WWOX: variants seen among roughly 807,000 people sequenced by gnomAD.
The protein encoded by WWOX is WW domain containing oxidoreductase, also known as WW domain-containing oxidoreductase.
WWOX carries 69 observed loss-of-function variants against 46.2 expected under a neutral mutation model. That is an observed-to-expected ratio of 1.49 (90% confidence interval 1.23 to 1.82). WWOX has a LOEUF of 1.82. WWOX is among the 40% of genes most tolerant of loss of function. WWOX has a pLI of 0.00. For synonymous variants in WWOX, 359 were observed against 202.6 expected (o/e 1.77, Z -6.56); for missense variants, 919 against 542.6 (o/e 1.69, Z -6.89).
At chr16:78,314,624 A>C (rs1188459176) in intron 5 of WWOX, among the ~76,000 whole-genome samples, 4 of 146,754 alleles carry the variant, frequency 2.7e-5, no homozygotes, top group Non-Finnish European at 4.5e-5. Context: ...TCCTGGGTTC[A>C]AGCGATTCTT....
At chr16:78,171,939 A>G (rs2035175695) in intron 5 of WWOX, among the ~76,000 whole-genome samples, 1 of 152,184 alleles carries the variant, frequency 6.6e-6, no homozygotes, top group South Asian at 2.1e-4. Flanking sequence ...TTGTCTTTGT[A>G]CTAGGTACTG....
chr16:78,985,036 TG>T (rs946882056), intron 8 of WWOX, among the ~76,000 whole-genome samples: 2 of 152,144 alleles, frequency 1.3e-5, no homozygotes, highest in Non-Finnish European at 2.9e-5. Flanking sequence ...CTGAGTCCCT[TG>T]CCCCCTCCAC....
At chr16:78,297,566 A>G (rs528086967) in intron 5 of WWOX, among the ~76,000 whole-genome samples, 1 of 152,314 alleles carries the variant, frequency 6.6e-6, no homozygotes, top group East Asian at 1.9e-4. Flanking sequence ...TGAATGTATT[A>G]TGGACTGAAT....
intron 8 of WWOX, among the ~76,000 whole-genome samples, chr16:78,883,650 G>A (rs2044389913): frequency 1.3e-5 from 2 of 151,928 alleles, no homozygotes; most frequent in East Asian, 1.9e-4. Flanking sequence ...CTTGAATCCA[G>A]GAGATGGAGG....
At chr16:78,994,825 C>T (rs1215455745) in intron 8 of WWOX, among the ~76,000 whole-genome samples, 2 of 152,146 alleles carry the variant, frequency 1.3e-5, no homozygotes, top group South Asian at 4.2e-4. Flanking sequence ...GCACCATTTG[C>T]CGTTGCACTA....
intron 8 of WWOX, among the ~76,000 whole-genome samples, chr16:78,888,697 C>G (rs1043695692): frequency 5.3e-5 from 8 of 152,278 alleles, no homozygotes; most frequent in Admixed American, 3.9e-4. Context: ...GATGTAGAAT[C>G]CCTTTGCTCA....
chr16:78,575,047 ATAT>A (rs2044832988), intron 8 of WWOX, among the ~76,000 whole-genome samples: 4 of 8,726 alleles, frequency 4.6e-4, no homozygotes, highest in Non-Finnish European at 4.4e-4. Context: ...ATATATATAT[ATAT>A]ATATATATAT....
intron 4 of WWOX, among the ~76,000 whole-genome samples, chr16:78,128,846 C>T (rs891740758): frequency 2.0e-5 from 3 of 152,182 alleles, no homozygotes; most frequent in African/African-American, 4.8e-5. Context: ...GCTGTGGCTT[C>T]TAAATTCAGC....
chr16:78,833,669 A>G (rs983029099), intron 8 of WWOX, among the ~76,000 whole-genome samples: 2 of 152,336 alleles, frequency 1.3e-5, no homozygotes, highest in African/African-American at 2.4e-5. Flanking sequence ...TTGAATATCT[A>G]TATGGTGCTT....
chr16:78,577,749 A>G (rs977719992), intron 8 of WWOX, among the ~76,000 whole-genome samples: 9 of 152,216 alleles, frequency 5.9e-5, no homozygotes, highest in African/African-American at 9.6e-5. Context: ...TCTTCCTAGC[A>G]GTCTTGCGGA....
intron 5 of WWOX, among the ~76,000 whole-genome samples, chr16:78,165,484 A>G (rs931677067): frequency 6.6e-6 from 1 of 152,154 alleles, no homozygotes; most frequent in East Asian, 1.9e-4. Context: ...TCCCCAAGGA[A>G]GAAGTGATTG....
chr16:79,102,059 GGA>G (rs2049209588), intron 8 of WWOX, among the ~76,000 whole-genome samples: 2 of 128,704 alleles, frequency 1.6e-5, no homozygotes, highest in African/African-American at 2.9e-5. Context: ...GGAGTAGGGG[GGA>G]GGGGGGGAGG....
At chr16:78,823,551 C>G (rs1336827022) in intron 8 of WWOX, among the ~76,000 whole-genome samples, 1 of 152,096 alleles carries the variant, frequency 6.6e-6, no homozygotes, top group African/African-American at 2.4e-5. Context: ...TAAAGATGTT[C>G]CATTCATTCA....
At chr16:78,643,669 C>T (rs184044727) in intron 8 of WWOX, among the ~76,000 whole-genome samples, 7 of 152,042 alleles carry the variant, frequency 4.6e-5, no homozygotes, top group Admixed American at 1.3e-4. Flanking sequence ...ATAATGGCCC[C>T]GTTGTAAATG....
chr16:79,116,200 G>A (rs1250542022), intron 8 of WWOX, among the ~76,000 whole-genome samples: 1 of 152,196 alleles, frequency 6.6e-6, no homozygotes, highest in African/African-American at 2.4e-5. Context: ...GATGGATCAA[G>A]TTGGCGGTTG....
intron 8 of WWOX, among the ~76,000 whole-genome samples, chr16:78,443,442 C>T (rs546417176): frequency 6.6e-6 from 1 of 152,262 alleles, no homozygotes; most frequent in African/African-American, 2.4e-5. Context: ...TTACTGGCAC[C>T]AAGAACACAC....
At chr16:78,949,800 A>G (rs1597193746) in intron 8 of WWOX, among the ~76,000 whole-genome samples, 1 of 152,206 alleles carries the variant, frequency 6.6e-6, no homozygotes, top group African/African-American at 2.4e-5. Flanking sequence ...TGCATCCTAC[A>G]TTGTCTAGTG....
rs541036921 is a variant in WWOX at position 78,561,470 on chromosome 16, C to T, written c.1056+128718C>T. ...GTCTTAATTAACACTGGCAAAATCC[C>T]TTCATGACAGTACCTAGAGTATGAA... is the stretch of plus-strand genomic sequence containing the variant. On this transcript the variant is annotated intron_variant, in intron 8 of 8. Coordinates refer to ENST00000566780, the MANE Select transcript of WWOX (RefSeq NM_016373.4). Among the ~76,000 whole-genome samples, 5 of 152,180 alleles carry T rather than the reference C, an allele frequency of 3.3e-5. No homozygotes were observed. The South Asian group carries it at 6.2e-4, about 19-fold the overall frequency.
intron 8 of WWOX, among the ~76,000 whole-genome samples, chr16:78,504,088 T>C (rs947012906): frequency 3.3e-5 from 5 of 152,214 alleles, no homozygotes; most frequent in African/African-American, 1.2e-4. Context: ...ATTTCTTTTA[T>C]GATTAATTCT....
Sources: allele counts gnomAD v4.1 joint callset (sites outside exome capture counted in the v4.1 genomes callset), GRCh38; gene constraint gnomAD v4.1.1; transcripts MANE v1.5; gene names NCBI Gene and HGNC (gene_info 2026-07-23, HGNC 2026-07-21).